The following STX17 variants were observed in gnomAD, a reference collection of about 807,000 sequenced individuals.
The protein encoded by STX17 is syntaxin-17.
In STX17, 29 loss-of-function variants were observed where a neutral mutation model predicts 35.9. The observed-to-expected ratio is 0.81, with a 90% CI of 0.60 to 1.10. The LOEUF is 1.10. Among genes scored for constraint, STX17 ranks in the 50% least tolerant of loss-of-function variants. The pLI is 0.00. For missense variants in STX17, 312 were observed against 352.3 expected (o/e 0.89, Z 0.92); for synonymous variants, 92 against 118.3 (o/e 0.78, Z 1.44).
chr9:99,958,549 C>T (rs996933643), intron 4 of STX17, among the ~76,000 whole-genome samples: 2 of 152,276 alleles, frequency 1.3e-5, no homozygotes, highest in Admixed American at 1.3e-4. Flanking sequence ...TGAGAAAAAC[C>T]AGCCAAAGAG....
At chr9:99,956,997 A>G (rs1829721862) in intron 4 of STX17, among the ~76,000 whole-genome samples, 1 of 152,174 alleles carries the variant, frequency 6.6e-6, no homozygotes, top group Non-Finnish European at 1.5e-5. Flanking sequence ...ATAACCCTTC[A>G]ACAGCTCTCT....
intron 4 of STX17, among the ~76,000 whole-genome samples, chr9:99,955,883 T>A (rs939440089): frequency 2.6e-5 from 4 of 152,132 alleles, no homozygotes; most frequent in African/African-American, 9.7e-5. Flanking sequence ...AGATCTAAAG[T>A]TCTTCAGCTT....
At chr9:99,940,147 TGAGAGGCAGTCTC>T (rs1284501085) in intron 3 of STX17, among the ~76,000 whole-genome samples, 4 of 152,200 alleles carry the variant, frequency 2.6e-5, no homozygotes, top group Non-Finnish European at 5.9e-5. Context: ...TTTTATTTTT[TGAGAGGCAGTCTC>T]GCTCTTGTCG....
chr9:99,914,339 G>A (rs1828723689), intron 1 of STX17, among the ~76,000 whole-genome samples: 1 of 152,168 alleles, frequency 6.6e-6, no homozygotes, highest in Admixed American at 6.5e-5. Flanking sequence ...TATAAGCTCT[G>A]ATAAGCTCCA....
chr9:99,909,575 G>A (rs1828618997), intron 1 of STX17, among the ~76,000 whole-genome samples: 1 of 152,164 alleles, frequency 6.6e-6, no homozygotes, highest in South Asian at 2.1e-4. Flanking sequence ...ACATGTAATA[G>A]CCTTTTATGA....
rs1281208070 is a variant in STX17, at chr9:99,967,733, A to G, written c.663A>G (p.Leu221=). 6.2e-7 allele frequency: 1 copy of G among 1,613,802 alleles called. No individual in the cohort carries two copies. Among genetic ancestry groups the G allele is most frequent in the Admixed American group, 1.7e-5 (1 of 60,000 alleles). ...ATGTTGAAGAGGGAACCAAAAACTT[A>G]GGGAAGGTAAGATTCTGCTCCTGCT... ...AVNVEEGTKN[L]GKAAKYKLAA... Residue 221 remains leucine, a synonymous_variant, in exon 7 of 8, where the codon TTA becomes TTG. Transcript: ENST00000259400.
intron 2 of STX17, among the ~76,000 whole-genome samples, chr9:99,921,856 A>G (rs1828895416): frequency 6.6e-6 from 1 of 151,978 alleles, no homozygotes. Context: ...TGAAGTATCT[A>G]GGTTTGTTCT....
intron 6 of STX17, among the ~76,000 whole-genome samples, chr9:99,962,671 T>C (rs1169017932): frequency 6.6e-6 from 1 of 152,230 alleles, no homozygotes; most frequent in Non-Finnish European, 1.5e-5. Flanking sequence ...AAGCAGCTCA[T>C]AACCTCTAAT....
intron 7 of STX17, 69 bp downstream of exon 7, chr9:99,967,808 T>C (rs766951054): frequency 3.0e-5 from 40 of 1,330,204 alleles, no homozygotes; most frequent in Non-Finnish European, 4.0e-5. Flanking sequence ...ATTAACCCAA[T>C]TGATCTGCTC....
chr9:99,921,218 T>A (rs977698316), intron 2 of STX17, among the ~76,000 whole-genome samples: 3 of 152,180 alleles, frequency 2.0e-5, no homozygotes, highest in Non-Finnish European at 4.4e-5. Flanking sequence ...GTTGAATGAA[T>A]GAATATACAT....
intron 2 of STX17, among the ~76,000 whole-genome samples, chr9:99,924,142 A>G (rs1384961067): frequency 1.3e-5 from 2 of 152,216 alleles, no homozygotes; most frequent in South Asian, 4.1e-4. Context: ...TGGCCTCTCC[A>G]TGTAACATTT....
At chr9:99,947,946 GT>G (rs76739808) in intron 3 of STX17, among the ~76,000 whole-genome samples, 1,988 of 142,062 alleles carry the variant, frequency 0.014, 16 homozygotes, top group African/African-American at 0.029. Context: ...TACTTTTCAA[GT>G]TTTTTTTTTT....
Position 99,970,790 on chromosome 9 carries a change from G to A in STX17, c.*2117G>A, listed in dbSNP as rs1032403674. Among the ~76,000 whole-genome samples, 2 of 152,096 alleles carry A rather than the reference G, an allele frequency of 1.3e-5. No individual in the cohort carries two copies. Among genetic ancestry groups the A allele is most frequent in the Non-Finnish European group, 2.9e-5 (2 of 68,024 alleles). On this transcript the variant is annotated 3_prime_UTR_variant, in exon 8 of 8. Transcript: ENST00000259400. ...TATCCTTTCAGCCCACCAACTTAGC[G>A]GCAGCACTAGGGATTCATTATAAGG...
chr9:99,922,692 G>A (rs1416545346), intron 2 of STX17, among the ~76,000 whole-genome samples: 1 of 152,346 alleles, frequency 6.6e-6, no homozygotes, highest in Admixed American at 6.5e-5. Context: ...TCCAGGGGCA[G>A]CAAGGGGTGG....
intron 4 of STX17, 106 bp downstream of exon 4, chr9:99,951,391 C>A: frequency 2.1e-6 from 2 of 971,220 alleles, no homozygotes; most frequent in Non-Finnish European, 1.5e-6. Flanking sequence ...AGAGACCATT[C>A]ACTATCCCAA....
At chr9:99,915,472 C>T in intron 2 of STX17, 110 bp downstream of exon 2, 4 of 1,313,096 alleles carry the variant, frequency 3.0e-6, no homozygotes, top group Non-Finnish European at 4.1e-6. Flanking sequence ...GCTGAAACAC[C>T]TAGCTCCTAT....
At position 99,967,640 on chromosome 9, in the gene STX17, C is replaced by T; in HGVS notation, c.583-13C>T. 6.2e-7 allele frequency: 1 copy of T among 1,612,988 alleles called. No individual in the cohort carries two copies. The highest frequency in any genetic ancestry group is 8.5e-7 in the Non-Finnish European group (1 of 1,179,328). Reference sequence around the variant, plus strand: ...CCAGCAGGACCGCTCACTCATAATTCCTTTGCATCTAGTCTCAGCAGGAGA... The same window carrying T: ...CCAGCAGGACCGCTCACTCATAATTTCTTTGCATCTAGTCTCAGCAGGAGA... On this transcript the variant is annotated splice_polypyrimidine_tract_variant and intron_variant, in intron 6 of 7. Coordinates refer to ENST00000259400, the MANE Select transcript of STX17 (RefSeq NM_017919.3).
intron 2 of STX17, among the ~76,000 whole-genome samples, chr9:99,917,157 A>G (rs143617109): frequency 1.3e-5 from 2 of 152,352 alleles, no homozygotes; most frequent in African/African-American, 2.4e-5. Context: ...ATTATAATGT[A>G]GGTGATATCA....
rs531853690 is a variant in STX17, at chr9:99,914,034, G to A, written c.-62-1144G>A. On this transcript the variant is annotated intron_variant, in intron 1 of 7. Coordinates refer to ENST00000259400, the MANE Select transcript of STX17 (RefSeq NM_017919.3). ...TGCCCAGGCTGGCCATGAACTCCTG[G>A]GCTCAAGTGGTCCTCCCGCCTTGGC... The A allele has an allele frequency of 2.0e-5, 3 of 150,402 alleles. No homozygotes were observed. The South Asian group carries it at 6.3e-4, about 32-fold the overall frequency. 9.3% of individuals were successfully genotyped at this position (150,402 alleles called of 1,614,324 possible). A position where few individuals can be genotyped will look rare whatever the true frequency, so the allele number is the denominator to read the frequency against.
Sources: allele counts gnomAD v4.1 joint callset (sites outside exome capture counted in the v4.1 genomes callset), GRCh38; gene constraint gnomAD v4.1.1; transcripts MANE v1.5; gene names NCBI Gene and HGNC (gene_info 2026-07-23, HGNC 2026-07-21).